Variants in FAM131C observed in about 807,000 individuals in gnomAD.
FAM131C encodes the protein protein FAM131C.
In FAM131C, 14 loss-of-function variants were observed where a neutral mutation model predicts 29.8. The ratio of observed to expected loss-of-function variants is 0.47; its 90% confidence interval spans 0.31 to 0.73. FAM131C has a LOEUF of 0.73. Among genes scored for constraint, FAM131C ranks in the 30% least tolerant of loss-of-function variants. The pLI is 0.05. For synonymous variants in FAM131C, 86 were observed against 157.8 expected (o/e 0.54, Z 3.41); for missense variants, 252 against 383.8 (o/e 0.66, Z 2.87).
chr1:16,072,702 G>A (rs1343883655), intron 1 of FAM131C, among the ~76,000 whole-genome samples: 1 of 152,122 alleles, frequency 6.6e-6, no homozygotes, highest in Non-Finnish European at 1.5e-5. Flanking sequence ...AGATAGAAGA[G>A]GCTGGGGCCT....
chr1:16,068,651 C>A (rs529845972), intron 1 of FAM131C, among the ~76,000 whole-genome samples: 67 of 152,310 alleles, frequency 4.4e-4, no homozygotes, highest in Admixed American at 4.4e-3. Context: ...TCACCTGAGC[C>A]GTGACAATAG....
chr1:16,070,594 TA>T, intron 1 of FAM131C, among the ~76,000 whole-genome samples: 1 of 152,150 alleles, frequency 6.6e-6, no homozygotes, highest in South Asian at 2.1e-4. Flanking sequence ...GAGTTCGAGA[TA>T]AGCCTGGGCA....
At chr1:16,068,804 C>T (rs1418721289) in intron 1 of FAM131C, among the ~76,000 whole-genome samples, 1 of 152,186 alleles carries the variant, frequency 6.6e-6, no homozygotes, top group Non-Finnish European at 1.5e-5. Flanking sequence ...AGGCTCCCTC[C>T]CATCCTGTGA....
rs139633921 is a variant in FAM131C at position 16,069,751 on chromosome 1, C to A, written c.22+3670G>T. 3.1e-3 allele frequency among the ~76,000 whole-genome samples: 479 copies of A among 152,300 alleles called. 2 individuals are homozygous for A. The highest frequency in any genetic ancestry group is 0.011 in the African/African-American group (448 of 41,568). ...TTCCAAGAGGTTGTTTTTCTAAGCA[C>A]TGGCCATATACTTAGCACCTCTTTT... On this transcript the variant is annotated intron_variant, in intron 1 of 6. Coordinates refer to ENST00000375662, the MANE Select transcript of FAM131C (RefSeq NM_182623.3).
rs112155007 is a variant in FAM131C, at chr1:16,072,354, T to C, written c.22+1067A>G. On this transcript the variant is annotated intron_variant, in intron 1 of 6. Transcript: ENST00000375662. ...GAGTCCAGAGGATGGGGGAAGGTCA[T>C]TGTGCTCCTTGCTCAATACCCCCAG... 3.3e-5 allele frequency among the ~76,000 whole-genome samples: 5 copies of C among 152,234 alleles called. No homozygotes were observed. The South Asian group carries it at 6.2e-4, about 19-fold the overall frequency.
intron 1 of FAM131C, among the ~76,000 whole-genome samples, chr1:16,064,419 G>C (rs2023647368): frequency 6.6e-6 from 1 of 152,062 alleles, no homozygotes; most frequent in East Asian, 1.9e-4. Context: ...CTGCACCCAA[G>C]ACCTTCTGGC....
At chr1:16,067,672 T>C (rs1228378528) in intron 1 of FAM131C, among the ~76,000 whole-genome samples, 1 of 152,220 alleles carries the variant, frequency 6.6e-6, no homozygotes, top group Non-Finnish European at 1.5e-5. Context: ...TGCCTTCCTA[T>C]GCCAGCTCCT....
chr1:16,060,786 C>T (rs1246732059), intron 4 of FAM131C, among the ~76,000 whole-genome samples: 1 of 152,054 alleles, frequency 6.6e-6, no homozygotes, highest in Non-Finnish European at 1.5e-5. Context: ...TTGGGGAGAA[C>T]CAGGTGGAGG....
In FAM131C at chr1:16,062,190, C is replaced by A. The variant is rs199516223; in HGVS notation, c.177G>T (p.Arg59Ser). The change falls in exon 4 of 7, where the codon AGG (arginine) becomes AGT (serine). Residue 59 changes from arginine to serine, a missense_variant and splice_region_variant. Physicochemically the swap from Arg to Ser is moderately radical, Grantham distance 110. Transcript: ENST00000375662. ...QMDFCWDPWQ[R>S]CFQTTNGYLS... ...GGTAGCCGTTGGTGGTCTGGAAGCA[C>A]CTCTGGAGGAAGTGGCAGGAGGAGT... 6.5e-5 allele frequency: 104 copies of A among 1,610,398 alleles called. No homozygotes were observed. Among genetic ancestry groups the A allele is most frequent in the Admixed American group, 4.7e-4 (28 of 59,886 alleles).
chr1:16,072,507 CT>C (rs2023763078), intron 1 of FAM131C, among the ~76,000 whole-genome samples: 1 of 152,300 alleles, frequency 6.6e-6, no homozygotes, highest in East Asian at 1.9e-4. Flanking sequence ...TCACACCCCC[CT>C]GATCCCACTG....
At chr1:16,064,917 G>T (rs1335784651) in intron 1 of FAM131C, among the ~76,000 whole-genome samples, 8 of 152,162 alleles carry the variant, frequency 5.3e-5, no homozygotes, top group Non-Finnish European at 1.2e-4. Flanking sequence ...CTTGAGCCTC[G>T]CTCTTATCCT....
Position 16,073,531 on chromosome 1 carries a change from G to T in FAM131C, c.-89C>A. ...CCGCGGGCCCGGGGCTGAGCGCTGC[G>T]GAGCCAGAGGACGGGCGGGGCGGGG... On this transcript the variant is annotated 5_prime_UTR_variant, in exon 1 of 7. Transcript: ENST00000375662. 1.3e-6 allele frequency: 1 copy of T among 765,042 alleles called. No individual in the cohort carries two copies. The highest frequency in any genetic ancestry group is 6.3e-5 in the South Asian group (1 of 15,894). The allele number at this position is 765,042 out of a possible 1,614,324, so 47.4% of individuals were successfully genotyped here. A position where few individuals can be genotyped will look rare whatever the true frequency, so the allele number is the denominator to read the frequency against.
At chr1:16,065,809 T>C (rs1469480177) in intron 1 of FAM131C, among the ~76,000 whole-genome samples, 2 of 152,302 alleles carry the variant, frequency 1.3e-5, no homozygotes, top group Non-Finnish European at 2.9e-5. Flanking sequence ...CTCTGGAAGG[T>C]TCACCTCATA....
chr1:16,071,334 G>A (rs1169052599), intron 1 of FAM131C, among the ~76,000 whole-genome samples: 1 of 152,214 alleles, frequency 6.6e-6, no homozygotes, highest in East Asian at 1.9e-4. Flanking sequence ...TCCTAGCTGT[G>A]TGGCCCTGGA....
intron 1 of FAM131C, among the ~76,000 whole-genome samples, chr1:16,068,391 G>A (rs536982994): frequency 2.6e-5 from 4 of 152,346 alleles, no homozygotes; most frequent in Admixed American, 1.3e-4. Flanking sequence ...GTAAGCAGCA[G>A]CCGCTCCACC....
intron 1 of FAM131C, among the ~76,000 whole-genome samples, chr1:16,073,216 C>T (rs2023775491): frequency 6.6e-6 from 1 of 152,054 alleles, no homozygotes; most frequent in South Asian, 2.1e-4. Context: ...GGCGGGGATG[C>T]GGTGACCTCT....
rs1379057411 is a variant in FAM131C at position 16,063,568 on chromosome 1, G to A, written c.91C>T (p.Pro31Ser). The part of the protein sequence containing the change: ...QGADPLNPDL[P>S]SGRTPTVAPD... ...GCCACGGTGGGAGTGCGGCCCGAGG[G>A]CAGATCTGGGTTCAAGGGGTCCGCA... Residue 31 changes from proline (P) to serine (S), a missense_variant, in exon 2 of 7, where the codon CCC (proline) becomes TCC (serine). By Grantham distance (74) the Pro-to-Ser change is moderately conservative. This residue lies in a region of FAM131C where 76 missense variants were observed against 62.8 expected (regional missense o/e 1.21). Transcript: ENST00000375662. The A allele has an allele frequency of 1.2e-6, 2 of 1,613,914 alleles. No individual in the cohort carries two copies. The highest frequency in any genetic ancestry group is 2.2e-5 in the East Asian group (1 of 44,870).
chr1:16,062,117 C>A lies in FAM131C; in HGVS notation c.250G>T (p.Ala84Ser). The A allele has an allele frequency of 3.1e-6, 5 of 1,611,732 alleles. No individual in the cohort carries two copies. The highest frequency in any genetic ancestry group is 2.0e-4 in the Middle Eastern group (1 of 4,942). The change falls in exon 4 of 7, where the codon GCC becomes TCC. Residue 84 changes from alanine to serine, a missense_variant. Around this residue, in one of 6 missense-constraint regions of FAM131C, gnomAD observed 52 missense variants for 105.9 expected, o/e 0.49. Transcript: ENST00000375662. ...RPGNYNVAALATSSLVGVVQS... is the reference protein window; with the variant it reads ...RPGNYNVAALSTSSLVGVVQS... ...AACCTACCCACAAGGGACGAGGTGGCCAGGGCTGCCACGTTGTAGTTGCCG... is the reference window on the plus strand; with the variant it reads ...AACCTACCCACAAGGGACGAGGTGGACAGGGCTGCCACGTTGTAGTTGCCG...
At chr1:16,063,098 T>G (rs1259749013) in intron 2 of FAM131C, among the ~76,000 whole-genome samples, 2 of 148,440 alleles carry the variant, frequency 1.3e-5, no homozygotes, top group Non-Finnish European at 1.5e-5. Context: ...GAAACATATA[T>G]AAAATTTTAA....
Sources: allele counts gnomAD v4.1 joint callset (sites outside exome capture counted in the v4.1 genomes callset), GRCh38; gene constraint gnomAD v4.1.1; regional missense constraint gnomAD v4.1.1; transcripts MANE v1.5; gene names NCBI Gene and HGNC (gene_info 2026-07-23, HGNC 2026-07-21).